FCRL1: variants seen among roughly 807,000 people sequenced by gnomAD.
The protein encoded by FCRL1 is Fc receptor like 1, also known as Fc receptor-like protein 1.
In FCRL1, 34 loss-of-function variants were observed where a neutral mutation model predicts 49.2. The ratio of observed to expected loss-of-function variants is 0.69; its 90% CI spans 0.53 to 0.92. FCRL1 has a LOEUF of 0.92. FCRL1 is among the 40% of genes least tolerant of loss of function. The pLI is 0.00. For synonymous variants in FCRL1, 218 were observed against 201.6 expected (o/e 1.08, Z -0.69); for missense variants, 524 against 524.1 (o/e 1.00, Z 0.00).
Position 157,802,657 on chromosome 1 carries a change from A to G in FCRL1, c.327T>C (p.Pro109=), listed in dbSNP as rs1412682990. The change falls in exon 4 of 11, where the codon CCT becomes CCC. Residue 109 remains proline (P), a synonymous_variant. Transcript: ENST00000368176. ...GAGTCTCCAAGCTCACATCAGCGAC[A>G]GGGACCCCTGTGTGGACACAAGATG... ...RRSQINVHRV[P]VADVSLETQP... 4 of 1,612,778 alleles carry G rather than the reference A, an allele frequency of 2.5e-6. No individual in the cohort carries two copies. In the Admixed American group the frequency reaches 6.7e-5, roughly 27 times the overall value.
At chr1:157,797,353 C>CAGG (rs1651679012) in intron 9 of FCRL1, among the ~76,000 whole-genome samples, 3 of 152,052 alleles carry the variant, frequency 2.0e-5, no homozygotes, top group Admixed American at 6.5e-5. Flanking sequence ...CCCTCTATGC[C>CAGG]AGGAGGGGCC....
chr1:157,809,361 G>A (rs934335707), intron 1 of FCRL1, among the ~76,000 whole-genome samples: 7 of 152,086 alleles, frequency 4.6e-5, no homozygotes, highest in Admixed American at 1.3e-4. Flanking sequence ...TTTGAGATAA[G>A]CCTGGGTGGC....
At chr1:157,802,713 C>A in intron 3 of FCRL1, 49 bp from the exon 4 acceptor site, 1 of 1,554,810 alleles carries the variant, frequency 6.4e-7, no homozygotes, top group South Asian at 1.2e-5. Context: ...GGGAGAGTTT[C>A]AAAGACAGTA....
At chr1:157,797,153 C>A (rs1034086646) in intron 9 of FCRL1, 21 bp from the exon 10 acceptor site, 1 of 1,612,230 alleles carries the variant, frequency 6.2e-7, no homozygotes, top group African/African-American at 1.3e-5. Context: ...AAGACAAGTG[C>A]TGTGACATTC....
At chr1:157,797,008 T>C in intron 10 of FCRL1, 93 bp downstream of exon 10, 1 of 1,232,118 alleles carries the variant, frequency 8.1e-7, no homozygotes, top group Non-Finnish European at 1.2e-6. Flanking sequence ...ATGGGATTTT[T>C]GCTCTTTCTA....
intron 1 of FCRL1, among the ~76,000 whole-genome samples, chr1:157,809,551 C>T (rs556277111): frequency 1.1e-4 from 17 of 152,174 alleles, no homozygotes; most frequent in African/African-American, 2.7e-4. Flanking sequence ...CGGGTTCAAG[C>T]GATTCTCCTG....
chr1:157,806,438 G>C (rs1653456613), intron 2 of FCRL1, among the ~76,000 whole-genome samples: 1 of 152,194 alleles, frequency 6.6e-6, no homozygotes, highest in Non-Finnish European at 1.5e-5. Flanking sequence ...ATCTAGTGAA[G>C]AGTCCTTCGT....
intron 6 of FCRL1, among the ~76,000 whole-genome samples, chr1:157,800,553 C>A (rs1652277323): frequency 6.6e-6 from 1 of 152,036 alleles, no homozygotes; most frequent in Non-Finnish European, 1.5e-5. Context: ...GAAGAGAAGA[C>A]CAAGGTTAAA....
chr1:157,817,842 C>T (rs1277957944), intron 1 of FCRL1, among the ~76,000 whole-genome samples: 1 of 151,814 alleles, frequency 6.6e-6, no homozygotes, highest in Non-Finnish European at 1.5e-5. Context: ...GAAAACAACC[C>T]TATTAACAAT....
At chr1:157,802,242 A>G in intron 4 of FCRL1, 49 bp from the exon 5 acceptor site, 1 of 1,585,874 alleles carries the variant, frequency 6.3e-7, no homozygotes, top group Non-Finnish European at 8.6e-7. Flanking sequence ...AATGCAGCAA[A>G]CTCATAATCC....
intron 2 of FCRL1, chr1:157,806,842 G>A: frequency 2.6e-6 from 1 of 386,010 alleles, no homozygotes; most frequent in Non-Finnish European, 4.7e-6. Context: ...CTTCCCGGAA[G>A]TAAGACTGTG....
At position 157,798,261 on chromosome 1, in the gene FCRL1, C is replaced by T; in HGVS notation, c.1032-18G>A. ...GAAGGCTCCTGCAAACACAGAGACA[C>T]ATGTTATTTATCTGAAATTGCATCC... On this transcript the variant is annotated intron_variant, in intron 7 of 10. Transcript: ENST00000368176. 1 of 1,580,372 alleles carries T rather than the reference C, an allele frequency of 6.3e-7. No individual in the cohort carries two copies. The highest frequency in any genetic ancestry group is 1.7e-4 in the Middle Eastern group (1 of 5,900).
intron 3 of FCRL1, 139 bp downstream of exon 3, chr1:157,803,706 C>G: frequency 8.9e-7 from 1 of 1,123,966 alleles, no homozygotes; most frequent in Non-Finnish European, 1.2e-6. Flanking sequence ...CCTTAAGGAT[C>G]CTAATAATGA....
rs1468122506 is a variant in FCRL1, at chr1:157,797,607, A to G, written c.1186+261T>C. 13 of 753,606 alleles carry G rather than the reference A, an allele frequency of 1.7e-5. No homozygotes were observed. The South Asian group carries it at 2.1e-4, about 12-fold the overall frequency. 46.7% of individuals were successfully genotyped at this position (753,606 alleles called of 1,614,324 possible). Reference sequence around the variant, plus strand: ...TTGGGAGGTCAGGAAGAGGTAAGCCATGGGATTTTTGCTCTTTCTAAGTGA... The same window carrying G: ...TTGGGAGGTCAGGAAGAGGTAAGCCGTGGGATTTTTGCTCTTTCTAAGTGA... On this transcript the variant is annotated intron_variant, in intron 9 of 10. Coordinates refer to ENST00000368176, the MANE Select transcript of FCRL1 (RefSeq NM_052938.5).
intron 10 of FCRL1, 77 bp downstream of exon 10, chr1:157,797,024 C>G (rs1651603454): frequency 6.9e-7 from 1 of 1,454,830 alleles, no homozygotes; most frequent in South Asian, 1.2e-5. Context: ...TTCTAAGTGG[C>G]TATAATTTAA....
At chr1:157,807,002 C>T in intron 2 of FCRL1, 100 bp downstream of exon 2, 1 of 1,332,672 alleles carries the variant, frequency 7.5e-7, no homozygotes, top group Non-Finnish European at 1.1e-6. Context: ...ATGTTTTGGG[C>T]AGGAAGGGGC....
At chr1:157,803,553 T>A (rs1426187642) in intron 3 of FCRL1, among the ~76,000 whole-genome samples, 3 of 152,236 alleles carry the variant, frequency 2.0e-5, no homozygotes, top group Admixed American at 6.5e-5. Context: ...GAGTGCTGGC[T>A]AAGCATCAAC....
At chr1:157,816,544 C>A (rs1225264583) in intron 1 of FCRL1, among the ~76,000 whole-genome samples, 1 of 151,698 alleles carries the variant, frequency 6.6e-6, no homozygotes, top group African/African-American at 2.4e-5. Context: ...GACAAAGATG[C>A]CCACTTTGGC....
intron 1 of FCRL1, among the ~76,000 whole-genome samples, chr1:157,818,274 T>C (rs1655324469): frequency 6.6e-6 from 1 of 152,036 alleles, no homozygotes; most frequent in South Asian, 2.1e-4. Context: ...AAAAAATTAA[T>C]GGATAAAGAA....
Sources: gnomAD v4.1 joint callset for allele counts (sites outside exome capture counted in the v4.1 genomes callset) on GRCh38, gnomAD v4.1.1 for gene constraint, MANE v1.5 for transcripts, NCBI Gene and HGNC (gene_info 2026-07-23, HGNC 2026-07-21) for gene names.